Variants in SIPA1L3 observed in about 807,000 individuals in gnomAD.
SIPA1L3 encodes the protein signal-induced proliferation-associated 1-like protein 3.
A neutral mutation model predicts 150.1 loss-of-function variants in SIPA1L3; 59 were observed. That is an observed-to-expected ratio of 0.39 (90% confidence interval 0.32 to 0.49). SIPA1L3 has a LOEUF of 0.49. Among genes scored for constraint, SIPA1L3 ranks in the 20% least tolerant of loss-of-function variants. The probability of loss-of-function intolerance (pLI) is 0.86; values close to 1 mark genes in which losing one functional copy is unlikely to be tolerated. For missense variants in SIPA1L3, 2,211 were observed against 2,489.5 expected (o/e 0.89, Z 2.38); for synonymous variants, 1,070 against 1,077.6 (o/e 0.99, Z 0.14).
intron 2 of SIPA1L3, among the ~76,000 whole-genome samples, chr19:38,037,603 C>T (rs1968820312): frequency 1.3e-5 from 2 of 152,156 alleles, no homozygotes; most frequent in African/African-American, 2.4e-5. Context: ...TGAGTTCCCA[C>T]TCTTTGGCAG....
chr19:38,188,854 C>T (rs1972745644), intron 16 of SIPA1L3, among the ~76,000 whole-genome samples: 2 of 150,818 alleles, frequency 1.3e-5, no homozygotes, highest in African/African-American at 4.9e-5. Flanking sequence ...ACCTCGGAGG[C>T]GGAGCTTGCA....
chr19:38,124,124 A>C (rs985837501), intron 9 of SIPA1L3, among the ~76,000 whole-genome samples: 11 of 144,850 alleles, frequency 7.6e-5, no homozygotes, highest in African/African-American at 2.9e-4. Context: ...TCCCTCCCGG[A>C]CGGGGTGGCT....
intron 2 of SIPA1L3, among the ~76,000 whole-genome samples, chr19:38,053,621 A>G (rs1001130508): frequency 7.9e-5 from 12 of 152,032 alleles, no homozygotes; most frequent in South Asian, 4.2e-4. Flanking sequence ...TAGTGGTGCA[A>G]TCACAGCTCA....
At position 38,082,852 on chromosome 19, in the gene SIPA1L3, C is replaced by G; in HGVS notation, c.1287C>G (p.His429Gln). The change falls in exon 3 of 22, where the codon CAC (histidine) becomes CAG (glutamine). Residue 429 changes from histidine (H) to glutamine (Q), a missense_variant. Around this residue, in one of 5 missense-constraint regions of SIPA1L3, gnomAD observed 587 missense variants for 534.5 expected, o/e 1.10. Transcript: ENST00000222345. The part of the protein sequence containing the change: ...NSNDLLLSCP[H>Q]FRNEIGGECE... ...ACGACCTGCTGCTCAGCTGCCCGCA[C>G]TTCCGCAATGAGATCGGGGGCGAGT... 6.2e-7 allele frequency: 1 copy of G among 1,613,722 alleles called. No homozygotes were observed. The highest frequency in any genetic ancestry group is 8.5e-7 in the Non-Finnish European group (1 of 1,179,922).
Position 37,935,684 on chromosome 19 carries a change from A to G in SIPA1L3, c.-379+28326A>G, listed in dbSNP as rs61201466. ...GGAATGGCTGGGTCCATGTCTGTCCATAGTCTTGGGACCTCTCCTTTCATG... is the reference window on the plus strand; with the variant it reads ...GGAATGGCTGGGTCCATGTCTGTCCGTAGTCTTGGGACCTCTCCTTTCATG... On this transcript the variant is annotated intron_variant, in intron 1 of 21. Coordinates refer to ENST00000222345, the MANE Select transcript of SIPA1L3 (RefSeq NM_015073.3). Among the ~76,000 whole-genome samples, 30 of 152,302 alleles carry G rather than the reference A, an allele frequency of 2.0e-4. No individual in the cohort carries two copies. In the East Asian group the frequency reaches 5.4e-3, roughly 27 times the overall value.
intron 2 of SIPA1L3, among the ~76,000 whole-genome samples, chr19:38,032,372 A>G (rs1968671891): frequency 6.6e-6 from 1 of 152,226 alleles, no homozygotes; most frequent in African/African-American, 2.4e-5. Flanking sequence ...GAACTTGGAA[A>G]GAACATGAAC....
At chr19:38,068,343 T>C (rs911904437) in intron 2 of SIPA1L3, among the ~76,000 whole-genome samples, 1 of 152,224 alleles carries the variant, frequency 6.6e-6, no homozygotes, top group African/African-American at 2.4e-5. Flanking sequence ...AATCAGATTC[T>C]TAACGTGCAA....
Position 37,972,547 on chromosome 19 carries a change from T to G in SIPA1L3, c.-378-56542T>G, listed in dbSNP as rs536022354. The stretch of plus-strand genomic sequence containing the variant: ...CTGAAGCCCCATCTCTACAAAAAAT[T>G]TAAAAACTTAGCCGGGCATGGTGGT... On this transcript the variant is annotated intron_variant, in intron 1 of 21. Transcript: ENST00000222345. Among the ~76,000 whole-genome samples, 3 of 151,944 alleles carry G rather than the reference T, an allele frequency of 2.0e-5. No individual in the cohort carries two copies. The East Asian group carries it at 5.8e-4, about 29-fold the overall frequency.
chr19:38,143,927 C>T (rs1029608769), intron 12 of SIPA1L3, among the ~76,000 whole-genome samples: 2 of 152,182 alleles, frequency 1.3e-5, no homozygotes, highest in Non-Finnish European at 2.9e-5. Context: ...TGGCCCCTCC[C>T]TGTGGCCACC....
rs566795771 is a variant in SIPA1L3 at position 37,955,114 on chromosome 19, A to C, written c.-379+47756A>C. 5.5e-3 allele frequency among the ~76,000 whole-genome samples: 786 copies of C among 142,634 alleles called. 9 individuals are homozygous for C. Among genetic ancestry groups the C allele is most frequent in the African/African-American group, 0.017 (632 of 37,482 alleles). The allele number at this position is 142,634 out of a possible 152,430, so 93.6% of individuals were successfully genotyped here. A position where few individuals can be genotyped will look rare whatever the true frequency, so the allele number is the denominator to read the frequency against. On this transcript the variant is annotated intron_variant, in intron 1 of 21. Coordinates refer to ENST00000222345, the MANE Select transcript of SIPA1L3 (RefSeq NM_015073.3). ...AAAAAAAAAAAAAAAAAAAAAGGCC[A>C]GGCATGGTGGCTCACACCTGTAATC...
chr19:38,070,408 G>T (rs1000814177), intron 2 of SIPA1L3, among the ~76,000 whole-genome samples: 2 of 152,082 alleles, frequency 1.3e-5, no homozygotes, highest in African/African-American at 4.8e-5. Context: ...GCCACCCTTG[G>T]AAATTCTATT....
At chr19:37,918,754 C>T (rs1012970001) in intron 1 of SIPA1L3, among the ~76,000 whole-genome samples, 1 of 151,760 alleles carries the variant, frequency 6.6e-6, no homozygotes, top group Non-Finnish European at 1.5e-5. Context: ...ACCTGTAATC[C>T]CAGCTACTTG....
intron 16 of SIPA1L3, among the ~76,000 whole-genome samples, chr19:38,190,824 C>G (rs1034932622): frequency 2.0e-5 from 3 of 152,208 alleles, no homozygotes; most frequent in African/African-American, 7.2e-5. Flanking sequence ...TATCATGGTT[C>G]ATAATTTCTT....
At chr19:38,020,265 G>C (rs1464094287) in intron 1 of SIPA1L3, among the ~76,000 whole-genome samples, 1 of 152,088 alleles carries the variant, frequency 6.6e-6, no homozygotes, top group East Asian at 1.9e-4. Context: ...GCACAGAGAG[G>C]GTAAGTCACC....
chr19:37,955,386 TGTCTCAAAAAAAAAAA>T (rs1354611126), intron 1 of SIPA1L3, among the ~76,000 whole-genome samples: 1 of 136,056 alleles, frequency 7.3e-6, no homozygotes, highest in African/African-American at 3.1e-5. Context: ...AGCAAAACTC[TGTCTCAAAAAAAAAAA>T]AAAAGAGTAT....
At chr19:38,078,484 G>GCACA (rs377675160) in intron 2 of SIPA1L3, among the ~76,000 whole-genome samples, 3 of 128,078 alleles carry the variant, frequency 2.3e-5, no homozygotes, top group African/African-American at 8.9e-5. Context: ...ACACAGACAT[G>GCACA]CACACACACA....
intron 13 of SIPA1L3, among the ~76,000 whole-genome samples, chr19:38,159,209 C>T (rs1011639127): frequency 6.6e-6 from 1 of 152,256 alleles, no homozygotes; most frequent in African/African-American, 2.4e-5. Flanking sequence ...GACTAGACCA[C>T]ATCCAGCCAG....
intron 3 of SIPA1L3, among the ~76,000 whole-genome samples, chr19:38,086,669 C>A (rs181964906): frequency 1.1e-4 from 16 of 152,264 alleles, no homozygotes; most frequent in African/African-American, 3.1e-4. Flanking sequence ...AGTGACACAG[C>A]AATACCCTGT....
chr19:38,194,648 G>A (rs1972880953), intron 18 of SIPA1L3, among the ~76,000 whole-genome samples: 1 of 152,236 alleles, frequency 6.6e-6, no homozygotes, highest in African/African-American at 2.4e-5. Flanking sequence ...TCTCAGCTGA[G>A]GGGCTGTGCC....
Sources: allele counts gnomAD v4.1 joint callset (sites outside exome capture counted in the v4.1 genomes callset), GRCh38; gene constraint gnomAD v4.1.1; regional missense constraint gnomAD v4.1.1; transcripts MANE v1.5; gene names NCBI Gene and HGNC (gene_info 2026-07-23, HGNC 2026-07-21).